Variants in GNAO1 observed in about 807,000 individuals in gnomAD.
GNAO1 encodes the protein G protein subunit alpha o1, also known as guanine nucleotide-binding protein G(o) subunit alpha.
For missense variants in GNAO1, 166 were observed against 478.7 expected (o/e 0.35, Z 6.10); for synonymous variants, 164 against 180.7 (o/e 0.91, Z 0.74).
At chr16:56,309,173 T>C (rs2037429642) in intron 3 of GNAO1, among the ~76,000 whole-genome samples, 1 of 151,896 alleles carries the variant, frequency 6.6e-6, no homozygotes, top group African/African-American at 2.4e-5. Flanking sequence ...TCCCTCTTGC[T>C]CCTTCCCAGC....
At chr16:56,328,296 C>T (rs900372509) in intron 3 of GNAO1, among the ~76,000 whole-genome samples, 11 of 152,278 alleles carry the variant, frequency 7.2e-5, no homozygotes, top group Non-Finnish European at 1.0e-4. Flanking sequence ...CAGAGCCAGG[C>T]CCACTCTGCC....
intron 2 of GNAO1, among the ~76,000 whole-genome samples, chr16:56,262,613 C>CA (rs1277974545): frequency 6.6e-6 from 1 of 152,050 alleles, no homozygotes; most frequent in Non-Finnish European, 1.5e-5. Flanking sequence ...GCATTCTCCA[C>CA]AAAATATAAT....
intron 2 of GNAO1, among the ~76,000 whole-genome samples, chr16:56,223,614 G>A (rs976852831): frequency 1.3e-5 from 2 of 152,144 alleles, no homozygotes; most frequent in Non-Finnish European, 2.9e-5. Flanking sequence ...AGTGACCTAG[G>A]GAAATTTGCT....
intron 3 of GNAO1, among the ~76,000 whole-genome samples, chr16:56,315,656 C>T (rs1425186487): frequency 6.6e-6 from 1 of 152,122 alleles, no homozygotes; most frequent in African/African-American, 2.4e-5. Context: ...TTTGGACAGA[C>T]AGCGTCCCCA....
intron 4 of GNAO1, among the ~76,000 whole-genome samples, chr16:56,332,296 T>C (rs1313207352): frequency 6.6e-6 from 1 of 151,964 alleles, no homozygotes; most frequent in Non-Finnish European, 1.5e-5. Context: ...TTCCCCAGCC[T>C]CACCCACCAC....
intron 3 of GNAO1, among the ~76,000 whole-genome samples, chr16:56,295,980 T>C (rs972329731): frequency 6.6e-6 from 1 of 152,242 alleles, no homozygotes; most frequent in Non-Finnish European, 1.5e-5. Flanking sequence ...CCAGAGCCTC[T>C]ATTAGGGACC....
At chr16:56,343,623 C>T (rs2037828317) in intron 6 of GNAO1, 4 of 622,064 alleles carry the variant, frequency 6.4e-6, no homozygotes, top group Admixed American at 5.5e-5. Context: ...CCCCTCAGGT[C>T]CCCTCCATCA....
intron 3 of GNAO1, among the ~76,000 whole-genome samples, chr16:56,291,026 C>T (rs189870495): frequency 5.3e-5 from 8 of 152,262 alleles, no homozygotes; most frequent in African/African-American, 1.7e-4. Context: ...ATTTGATGGA[C>T]ATTGAGGTTG....
intron 6 of GNAO1, chr16:56,344,150 C>A: frequency 7.0e-7 from 1 of 1,437,010 alleles, no homozygotes; most frequent in Non-Finnish European, 9.1e-7. Flanking sequence ...CGGGGCGGGG[C>A]TGCTGAGTGC....
chr16:56,254,093 A>G (rs971832874), intron 2 of GNAO1, among the ~76,000 whole-genome samples: 2 of 152,198 alleles, frequency 1.3e-5, no homozygotes, highest in Non-Finnish European at 2.9e-5. Context: ...AAAAATAAAC[A>G]TATCTTGTGA....
In GNAO1 at chr16:56,204,868, T is replaced by G. The variant is rs760284202; in HGVS notation, c.161+12252T>G. On this transcript the variant is annotated intron_variant, in intron 2 of 8. Coordinates refer to ENST00000262493, the MANE Select transcript of GNAO1 (RefSeq NM_020988.3). ...TCCTTAACTTCCTTAGGACTTAGTA[T>G]CCTCACATATAAAATTAGGAAACTG... 5.5e-4 allele frequency among the ~76,000 whole-genome samples: 83 copies of G among 152,106 alleles called. 1 individual carries two copies. Among genetic ancestry groups the G allele is most frequent in the Non-Finnish European group, 1.1e-3 (77 of 68,020 alleles).
chr16:56,286,553 G>A (rs995668581), intron 3 of GNAO1, among the ~76,000 whole-genome samples: 38 of 152,222 alleles, frequency 2.5e-4, no homozygotes, highest in African/African-American at 8.7e-4. Context: ...GCACCAAGGA[G>A]GAAAATGGCT....
chr16:56,198,827 G>T (rs922189323), intron 2 of GNAO1, among the ~76,000 whole-genome samples: 3 of 152,184 alleles, frequency 2.0e-5, no homozygotes, highest in Non-Finnish European at 4.4e-5. Flanking sequence ...AAGCAGAAGG[G>T]GGGTGCTGTG....
At chr16:56,245,853 G>A (rs2036739101) in intron 2 of GNAO1, among the ~76,000 whole-genome samples, 1 of 152,200 alleles carries the variant, frequency 6.6e-6, no homozygotes, top group Middle Eastern at 3.2e-3. Context: ...TATAAAAATT[G>A]TGAAAAGTGT....
chr16:56,252,341 C>T (rs1387453356), intron 2 of GNAO1, among the ~76,000 whole-genome samples: 1 of 152,214 alleles, frequency 6.6e-6, no homozygotes, highest in Non-Finnish European at 1.5e-5. Flanking sequence ...ACAGGACCCT[C>T]AGACAAGGCT....
chr16:56,300,024 TGTGTGTGTGTGTGC>T (rs1234752504), intron 3 of GNAO1, among the ~76,000 whole-genome samples: 47 of 132,582 alleles, frequency 3.5e-4, no homozygotes, highest in South Asian at 4.7e-4. Flanking sequence ...TGTGTGTGTG[TGTGTGTGTGTGTGC>T]GCGCGCGCGC....
chr16:56,275,136 G>A (rs562634158), intron 2 of GNAO1, among the ~76,000 whole-genome samples: 4 of 152,224 alleles, frequency 2.6e-5, no homozygotes, highest in Non-Finnish European at 5.9e-5. Flanking sequence ...GAGGACAAAT[G>A]TAGGATGTTA....
chr16:56,289,768 T>C (rs2143556272), intron 3 of GNAO1, among the ~76,000 whole-genome samples: 1 of 152,212 alleles, frequency 6.6e-6, no homozygotes, highest in South Asian at 2.1e-4. Flanking sequence ...ATTTTATTGA[T>C]TGGCCCACTC....
intron 2 of GNAO1, among the ~76,000 whole-genome samples, chr16:56,241,779 G>T (rs115797088): frequency 1.3e-5 from 2 of 152,170 alleles, no homozygotes; most frequent in African/African-American, 2.4e-5. Context: ...GTGTCCCTTC[G>T]TGACAAGGCA....
Sources: gnomAD v4.1 joint callset for allele counts (sites outside exome capture counted in the v4.1 genomes callset) on GRCh38, gnomAD v4.1.1 for gene constraint, MANE v1.5 for transcripts, NCBI Gene and HGNC (gene_info 2026-07-23, HGNC 2026-07-21) for gene names.